The following HS3ST1 variants were observed in gnomAD, a reference collection of about 807,000 sequenced individuals.
The protein encoded by HS3ST1 is heparan sulfate glucosamine 3-O-sulfotransferase 1.
In HS3ST1, 8 loss-of-function variants were observed where a neutral mutation model predicts 20.7. The observed-to-expected ratio is 0.39, with a 90% CI of 0.23 to 0.70. The LOEUF (loss-of-function observed/expected upper bound fraction) is 0.70. HS3ST1 is among the 30% of genes least tolerant of loss of function. The pLI is 0.46. For synonymous variants in HS3ST1, 205 were observed against 190.4 expected (o/e 1.08, Z -0.63); for missense variants, 436 against 423.4 (o/e 1.03, Z -0.26).
intron 1 of HS3ST1, among the ~76,000 whole-genome samples, chr4:11,410,914 TA>T (rs1382107309): frequency 4.0e-5 from 6 of 151,760 alleles, no homozygotes; most frequent in African/African-American, 7.2e-5. Flanking sequence ...AATAAATAAA[TA>T]AATAAAAAAG....
intron 1 of HS3ST1, among the ~76,000 whole-genome samples, chr4:11,409,736 A>C (rs1718567542): frequency 6.6e-6 from 1 of 152,174 alleles, no homozygotes; most frequent in South Asian, 2.1e-4. Flanking sequence ...AGTAAAGCAA[A>C]ACTGTTTGGC....
At chr4:11,413,628 T>G (rs1415348939) in intron 1 of HS3ST1, among the ~76,000 whole-genome samples, 1 of 151,876 alleles carries the variant, frequency 6.6e-6, no homozygotes, top group Non-Finnish European at 1.5e-5. Context: ...CTCAAACAAC[T>G]TGGGACCATG....
rs1025585713 is a variant in HS3ST1 at position 11,418,864 on chromosome 4, G to A, written c.-109+9835C>T. 7.9e-5 allele frequency among the ~76,000 whole-genome samples: 12 copies of A among 152,118 alleles called. 1 individual carries two copies. Among genetic ancestry groups the A allele is most frequent in the Admixed American group, 7.2e-4 (11 of 15,264 alleles). On this transcript the variant is annotated intron_variant, in intron 1 of 1. Coordinates refer to ENST00000002596, the MANE Select transcript of HS3ST1 (RefSeq NM_005114.4). ...AAACAGACTGGGGAGAAAGCACATG[G>A]CTCACTGCTCCTATCATGCTCCATA...
intron 1 of HS3ST1, among the ~76,000 whole-genome samples, chr4:11,405,480 G>C (rs955217434): frequency 2.0e-5 from 3 of 152,124 alleles, no homozygotes; most frequent in African/African-American, 7.2e-5. Context: ...CCTGCAAATG[G>C]AGGTCTTGCC....
At chr4:11,426,403 A>G (rs755759580) in intron 1 of HS3ST1, among the ~76,000 whole-genome samples, 1 of 151,776 alleles carries the variant, frequency 6.6e-6, no homozygotes, top group Admixed American at 6.6e-5. Context: ...CAGTAAAATA[A>G]TTTCTTATTT....
intron 1 of HS3ST1, among the ~76,000 whole-genome samples, chr4:11,421,563 A>C (rs1718936117): frequency 1.3e-5 from 2 of 152,196 alleles, no homozygotes; most frequent in Non-Finnish European, 2.9e-5. Context: ...GCTGACACAG[A>C]ACTTTGATTT....
chr4:11,399,578 A>G lies in HS3ST1; in HGVS notation c.428T>C (p.Leu143Pro). ...VYSMNPSIRL[L>P]LILRDPSERV... ...CTCCGACGGGTCTCGCAGGATGAGC[A>G]GCAGCCGGATGGACGGGTTCATGCT... The change falls in exon 2 of 2, where the codon CTG becomes CCG. Residue 143 changes from leucine to proline, a missense_variant. Physicochemically the swap from Leu to Pro is moderately conservative, Grantham distance 98. Transcript: ENST00000002596. This position sits in a 1 kb window ranked among gnomAD's most constrained non-coding sequence, Gnocchi z 5.1. 6.2e-7 allele frequency: 1 copy of G among 1,613,886 alleles called. No homozygotes were observed. The highest frequency in any genetic ancestry group is 8.5e-7 in the Non-Finnish European group (1 of 1,180,024).
At chr4:11,426,373 C>CAA (rs1553858481) in intron 1 of HS3ST1, among the ~76,000 whole-genome samples, 1 of 151,106 alleles carries the variant, frequency 6.6e-6, no homozygotes, top group Non-Finnish European at 1.5e-5. Context: ...GCCCCCCCCC[C>CAA]AACCCTCACA....
At chr4:11,404,708 T>G (rs1294311446) in intron 1 of HS3ST1, among the ~76,000 whole-genome samples, 1 of 152,210 alleles carries the variant, frequency 6.6e-6, no homozygotes, top group Non-Finnish European at 1.5e-5. Context: ...ATGGGACCTT[T>G]TGACAGTTGA....
upstream of HS3ST1, among the ~76,000 whole-genome samples, chr4:11,431,244 A>AAC (rs1309222023): frequency 3.3e-5 from 5 of 152,044 alleles, no homozygotes; most frequent in East Asian, 9.7e-4. Flanking sequence ...AAAAAAAAAA[A>AAC]AAAAAACTTT....
At chr4:11,424,673 C>T (rs1314456517) in intron 1 of HS3ST1, among the ~76,000 whole-genome samples, 2 of 152,196 alleles carry the variant, frequency 1.3e-5, no homozygotes, top group African/African-American at 2.4e-5. Flanking sequence ...TCTGGGACCA[C>T]AGCTTGGGAC....
intron 1 of HS3ST1, among the ~76,000 whole-genome samples, chr4:11,405,619 T>C (rs1275810653): frequency 6.6e-6 from 1 of 152,036 alleles, no homozygotes; most frequent in Non-Finnish European, 1.5e-5. Flanking sequence ...TGGGAACATA[T>C]TTTAACACAG....
intron 1 of HS3ST1, 39 bp from the exon 2 acceptor site, chr4:11,400,152 T>C: frequency 1.4e-6 from 2 of 1,405,116 alleles, no homozygotes; most frequent in Non-Finnish European, 1.9e-6. Context: ...ATATAACAAA[T>C]ACAGGGATAA....
chr4:11,419,155 C>G (rs1211019548), intron 1 of HS3ST1, among the ~76,000 whole-genome samples: 2 of 151,776 alleles, frequency 1.3e-5, no homozygotes, highest in African/African-American at 4.8e-5. Context: ...CTTCCCTTCT[C>G]TCTCCCTCTA....
At chr4:11,421,190 G>GA (rs199506397) in intron 1 of HS3ST1, among the ~76,000 whole-genome samples, 1,688 of 152,188 alleles carry the variant, frequency 0.011, 31 homozygotes, top group Middle Eastern at 0.031. Flanking sequence ...CTAGAGTATG[G>GA]AAAAAAACCG....
chr4:11,405,105 C>T (rs911001182), intron 1 of HS3ST1, among the ~76,000 whole-genome samples: 2 of 152,200 alleles, frequency 1.3e-5, no homozygotes, highest in African/African-American at 4.8e-5. Flanking sequence ...ATAGTTGTGC[C>T]TTGCACCAAT....
At chr4:11,421,897 T>C (rs1718948038) in intron 1 of HS3ST1, among the ~76,000 whole-genome samples, 1 of 152,194 alleles carries the variant, frequency 6.6e-6, no homozygotes, top group South Asian at 2.1e-4. Context: ...TTTCTTCACT[T>C]CTGGACCTCA....
intron 1 of HS3ST1, among the ~76,000 whole-genome samples, chr4:11,422,037 T>C (rs528353544): frequency 6.6e-6 from 1 of 152,356 alleles, no homozygotes; most frequent in East Asian, 1.9e-4. Flanking sequence ...ACTACATTCT[T>C]TTCATGCCAG....
intron 1 of HS3ST1, among the ~76,000 whole-genome samples, chr4:11,416,490 A>C (rs1718785431): frequency 6.6e-6 from 1 of 152,212 alleles, no homozygotes; most frequent in Non-Finnish European, 1.5e-5. Flanking sequence ...GGAGGACTGA[A>C]GAGGTGGTGC....
Sources: allele counts gnomAD v4.1 joint callset (sites outside exome capture counted in the v4.1 genomes callset), GRCh38; gene constraint gnomAD v4.1.1; non-coding constraint Gnocchi (gnomAD v3.1); transcripts MANE v1.5; gene names NCBI Gene and HGNC (gene_info 2026-07-23, HGNC 2026-07-21).